The following ASTN2 variants were observed in gnomAD, a reference collection of about 807,000 sequenced individuals.
ASTN2 encodes astrotactin-2.
A neutral mutation model predicts 139.8 loss-of-function variants in ASTN2; 54 were observed. That is an observed-to-expected ratio of 0.39 (90% CI 0.31 to 0.48). The LOEUF (loss-of-function observed/expected upper bound fraction) is 0.48, where lower values mean the gene tolerates loss of function less well. Ranked by LOEUF, ASTN2 falls within the 20% of genes least tolerant of loss-of-function variation. The pLI is 0.95. For synonymous variants in ASTN2, 756 were observed against 719.5 expected (o/e 1.05, Z -0.81); for missense variants, 1,565 against 1,725.1 (o/e 0.91, Z 1.64).
intron 2 of ASTN2, among the ~76,000 whole-genome samples, chr9:117,216,633 C>CT (rs1415946661): frequency 1.3e-5 from 2 of 152,016 alleles, no homozygotes; most frequent in African/African-American, 4.8e-5. Flanking sequence ...AACAATGAAT[C>CT]TTTTTTTTCC....
chr9:116,966,509 A>G (rs1836014096), intron 10 of ASTN2, among the ~76,000 whole-genome samples: 1 of 152,194 alleles, frequency 6.6e-6, no homozygotes, highest in African/African-American at 2.4e-5. Flanking sequence ...GAGCCTGGGC[A>G]GAAACTCATC....
At chr9:117,209,922 T>C (rs946135395) in intron 3 of ASTN2, among the ~76,000 whole-genome samples, 1 of 151,998 alleles carries the variant, frequency 6.6e-6, no homozygotes, top group Non-Finnish European at 1.5e-5. Context: ...ACTATACAAA[T>C]ACAAGGAGAT....
At chr9:116,594,196 G>C (rs1211998232) in intron 19 of ASTN2, among the ~76,000 whole-genome samples, 1 of 152,200 alleles carries the variant, frequency 6.6e-6, no homozygotes, top group African/African-American at 2.4e-5. Flanking sequence ...TACATCAATA[G>C]TAATCTTGTG....
At chr9:116,711,045 T>G (rs1828140790) in intron 16 of ASTN2, among the ~76,000 whole-genome samples, 1 of 152,156 alleles carries the variant, frequency 6.6e-6, no homozygotes, top group Non-Finnish European at 1.5e-5. Context: ...AGAATGAAAC[T>G]TCCATTAATT....
Position 116,532,120 on chromosome 9 carries a change from T to G in ASTN2, c.3356-44620A>C, listed in dbSNP as rs556549505. On this transcript the variant is annotated intron_variant, in intron 19 of 22. Coordinates refer to ENST00000313400, the MANE Select transcript of ASTN2 (RefSeq NM_001365068.1). ...TTTGCATTTCTCTGATGGCCAGTGA[T>G]GATGAGCATTTTTGCATGTGTCTTT... Among the ~76,000 whole-genome samples, 203 of 152,376 alleles carry G rather than the reference T, an allele frequency of 1.3e-3. 2 individuals carry two copies. Among genetic ancestry groups the G allele is most frequent in the Non-Finnish European group, 2.6e-3 (174 of 68,038 alleles).
At chr9:117,409,568 A>G (rs1483398200) in intron 1 of ASTN2, among the ~76,000 whole-genome samples, 1 of 152,196 alleles carries the variant, frequency 6.6e-6, no homozygotes, top group African/African-American at 2.4e-5. Flanking sequence ...CTATCCTCTC[A>G]GATCTTTCAA....
At chr9:117,331,362 G>A (rs1199592070) in intron 1 of ASTN2, among the ~76,000 whole-genome samples, 1 of 152,106 alleles carries the variant, frequency 6.6e-6, no homozygotes, top group African/African-American at 2.4e-5. Context: ...AACACAGAGG[G>A]GCTTTGGAAA....
chr9:116,765,193 G>A (rs550456115), intron 13 of ASTN2, among the ~76,000 whole-genome samples: 1 of 152,146 alleles, frequency 6.6e-6, no homozygotes, highest in Non-Finnish European at 1.5e-5. Flanking sequence ...ATATGGCAGA[G>A]CAGCCTAATG....
chr9:117,412,130 C>T (rs1831182343), intron 1 of ASTN2, among the ~76,000 whole-genome samples: 1 of 152,052 alleles, frequency 6.6e-6, no homozygotes, highest in Non-Finnish European at 1.5e-5. Flanking sequence ...AAAAATCCCA[C>T]GTCTCCCTAC....
At chr9:116,583,169 A>G (rs925744167) in intron 19 of ASTN2, 2 of 152,036 alleles carry the variant, frequency 1.3e-5, no homozygotes, top group Admixed American at 1.3e-4. Flanking sequence ...TTCTCCTTGG[A>G]CTCTTTAGAT....
chr9:116,455,348 CAAAA>C (rs34816182), intron 20 of ASTN2, among the ~76,000 whole-genome samples: 16 of 123,778 alleles, frequency 1.3e-4, no homozygotes, highest in East Asian at 2.4e-4. Flanking sequence ...GATTCTGTCT[CAAAA>C]AAAAAAAAAA....
At chr9:117,236,379 G>C (rs762844555) in intron 2 of ASTN2, among the ~76,000 whole-genome samples, 4 of 152,236 alleles carry the variant, frequency 2.6e-5, no homozygotes, top group Admixed American at 1.3e-4. Flanking sequence ...CCCTGGGCCA[G>C]AGGGAGTGAG....
intron 4 of ASTN2, among the ~76,000 whole-genome samples, chr9:117,122,510 C>G (rs1034475681): frequency 2.0e-5 from 3 of 152,078 alleles, no homozygotes; most frequent in East Asian, 3.9e-4. Context: ...TATATGGATA[C>G]AAGGATACAA....
intron 19 of ASTN2, among the ~76,000 whole-genome samples, chr9:116,521,278 T>C (rs1225212677): frequency 6.6e-6 from 1 of 152,004 alleles, no homozygotes; most frequent in Non-Finnish European, 1.5e-5. Context: ...CAAAACAGCA[T>C]GGTATTGGGG....
intron 4 of ASTN2, among the ~76,000 whole-genome samples, chr9:117,139,662 A>G (rs1006200033): frequency 6.6e-6 from 1 of 152,224 alleles, no homozygotes; most frequent in Non-Finnish European, 1.5e-5. Context: ...GATTTAGGCC[A>G]GGAATGTAAA....
intron 10 of ASTN2, among the ~76,000 whole-genome samples, chr9:116,974,942 AT>A (rs1836303344): frequency 6.6e-6 from 1 of 152,234 alleles, no homozygotes; most frequent in African/African-American, 2.4e-5. Context: ...AAGATCATTA[AT>A]GATCCCATGA....
chr9:117,390,140 T>C (rs1201610700), intron 1 of ASTN2, among the ~76,000 whole-genome samples: 1 of 152,192 alleles, frequency 6.6e-6, no homozygotes, highest in East Asian at 1.9e-4. Context: ...CAATTTAGCC[T>C]AGGGTAGGGC....
chr9:116,839,873 TTATTATTA>T (rs1832146442), intron 11 of ASTN2, among the ~76,000 whole-genome samples: 1 of 106,020 alleles, frequency 9.4e-6, no homozygotes, highest in Admixed American at 9.6e-5. Context: ...ATTATTATTA[TTATTATTA>T]TTTTTTTTTT....
chr9:116,728,901 G>C, intron 15 of ASTN2, 91 bp downstream of exon 15: 1 of 1,035,846 alleles, frequency 9.7e-7, no homozygotes, highest in Non-Finnish European at 1.4e-6. Flanking sequence ...AGCATCCCCA[G>C]TGCTCTCATA....
Sources: allele counts gnomAD v4.1 joint callset (sites outside exome capture counted in the v4.1 genomes callset), GRCh38; gene constraint gnomAD v4.1.1; transcripts MANE v1.5; gene names NCBI Gene and HGNC (gene_info 2026-07-23, HGNC 2026-07-21).